Variants in AOPEP observed in about 807,000 individuals in gnomAD.
AOPEP encodes the protein aminopeptidase O (putative).
AOPEP carries 77 observed loss-of-function variants against 98.1 expected under a neutral mutation model. That is an observed-to-expected ratio of 0.78 (90% CI 0.65 to 0.95). The LOEUF (loss-of-function observed/expected upper bound fraction) is 0.95. Ranked by LOEUF, AOPEP falls within the 40% of genes least tolerant of loss-of-function variation. The pLI is 0.00. For synonymous variants in AOPEP, 346 were observed against 365.3 expected (o/e 0.95, Z 0.60); for missense variants, 1,024 against 1,024.7 (o/e 1.00, Z 0.01).
chr9:94,850,894 A>C (rs1190664735), intron 5 of AOPEP, among the ~76,000 whole-genome samples: 1 of 152,190 alleles, frequency 6.6e-6, no homozygotes. Flanking sequence ...GAATATGAGG[A>C]GTAACTCTCT....
chr9:95,050,556 T>A (rs76326161), intron 13 of AOPEP, among the ~76,000 whole-genome samples: 8,068 of 152,284 alleles, frequency 0.053, 282 homozygotes, highest in South Asian at 0.11. Flanking sequence ...TCTCCACACA[T>A]TTTTATTAAA....
chr9:95,090,984 C>T (rs929154560), downstream of AOPEP, among the ~76,000 whole-genome samples: 3 of 152,156 alleles, frequency 2.0e-5, no homozygotes, highest in Non-Finnish European at 4.4e-5. Flanking sequence ...CAAAGGGGTC[C>T]AGGGAGGCTG....
chr9:95,081,654 A>C (rs558802227), intron 15 of AOPEP, among the ~76,000 whole-genome samples: 1 of 152,262 alleles, frequency 6.6e-6, no homozygotes, highest in East Asian at 1.9e-4. Flanking sequence ...CTGGAAAAAC[A>C]TACAGGAGTA....
At chr9:94,920,724 G>A (rs964893315) in intron 5 of AOPEP, among the ~76,000 whole-genome samples, 6 of 152,192 alleles carry the variant, frequency 3.9e-5, no homozygotes, top group African/African-American at 1.2e-4. Flanking sequence ...ATTAACAGAC[G>A]CAGTCTTCTA....
At position 95,060,706 on chromosome 9, in the gene AOPEP, C is replaced by A. The variant is rs1191380627; in HGVS notation, c.2128C>A (p.Gln710Lys). ...EEVFEKLLPD[Q>K]LVLLLEHLLE... ...GTTTTGTCTTTAGCTTCTTCCAGAC[C>A]AGCTGGTCTTGCTTCTGGAGCATCT... is the stretch of plus-strand genomic sequence containing the variant. Residue 710 changes from glutamine to lysine, a missense_variant, in exon 14 of 17, where the codon CAG (glutamine) becomes AAG (lysine). Around this residue, in one of 3 missense-constraint regions of AOPEP, gnomAD observed 566 missense variants for 551.7 expected, o/e 1.03. Coordinates refer to ENST00000375315, the MANE Select transcript of AOPEP (RefSeq NM_001193329.3). 1 of 1,613,080 alleles carries A rather than the reference C, an allele frequency of 6.2e-7. No homozygotes were observed. Among genetic ancestry groups the A allele is most frequent in the East Asian group, 2.2e-5 (1 of 44,876 alleles).
chr9:94,910,187 A>G (rs578156820), intron 5 of AOPEP, among the ~76,000 whole-genome samples: 2 of 152,194 alleles, frequency 1.3e-5, no homozygotes, highest in South Asian at 2.1e-4. Flanking sequence ...CTAGTCCTGC[A>G]TTAGAAGCAG....
Position 94,850,134 on chromosome 9 carries a change from A to C in AOPEP, c.1364+49132A>C, listed in dbSNP as rs374993705. ...CTTGCCTGAGGTTCACCTGCTGTGC[A>C]GCCTGGTTCTTAACAGTCCCCAGCC... On this transcript the variant is annotated intron_variant, in intron 5 of 16. Transcript: ENST00000375315. Among the ~76,000 whole-genome samples the C allele has an allele frequency of 3.3e-4, 50 of 152,180 alleles. 1 individual carries two copies. In the East Asian group the frequency reaches 8.7e-3, roughly 26 times the overall value.
chr9:94,980,053 A>G lies in AOPEP; in HGVS notation c.1977+626A>G, dbSNP rs1422338604. On this transcript the variant is annotated intron_variant, in intron 11 of 16. Transcript: ENST00000375315. The surrounding 1 kb of genome is among the most constrained non-coding windows in gnomAD (Gnocchi z 4.3). ...TTGTTCTCTCCCTCCCTTTCAGTCT[A>G]TGGGCAACTCTAAGGGAGAAACCTT... Among the ~76,000 whole-genome samples, 1 of 152,094 alleles carries G rather than the reference A, an allele frequency of 6.6e-6. No homozygotes were observed. The highest frequency in any genetic ancestry group is 1.5e-5 in the Non-Finnish European group (1 of 68,014).
At chr9:94,848,451 C>CAA (rs35685082) in intron 5 of AOPEP, among the ~76,000 whole-genome samples, 1,053 of 74,048 alleles carry the variant, frequency 0.014, 26 homozygotes, top group African/African-American at 0.013. Context: ...GACTCCGTCT[C>CAA]AAAAAAAAAA....
At chr9:95,054,435 T>G (rs1408071262) in intron 13 of AOPEP, among the ~76,000 whole-genome samples, 1 of 152,214 alleles carries the variant, frequency 6.6e-6, no homozygotes, top group Non-Finnish European at 1.5e-5. Context: ...ACCAGAGGAT[T>G]GCATGTTTCA....
At chr9:94,780,661 A>G (rs1843047938) in intron 3 of AOPEP, among the ~76,000 whole-genome samples, 1 of 152,250 alleles carries the variant, frequency 6.6e-6, no homozygotes, top group South Asian at 2.1e-4. Flanking sequence ...CCTTAGAGAA[A>G]GGGGATGTGG....
chr9:94,832,933 ATTT>A (rs564875203), intron 5 of AOPEP, among the ~76,000 whole-genome samples: 7 of 136,436 alleles, frequency 5.1e-5, no homozygotes, highest in Admixed American at 7.4e-5. Context: ...TGTAAATTTG[ATTT>A]TTTTTTTTTT....
intron 9 of AOPEP, among the ~76,000 whole-genome samples, chr9:94,960,741 G>A (rs923088057): frequency 6.6e-6 from 1 of 152,056 alleles, no homozygotes; most frequent in African/African-American, 2.4e-5. Flanking sequence ...GGCCGGGTGC[G>A]GTGGCTCACG....
At chr9:94,728,593 G>T (rs1008519827) in intron 1 of AOPEP, among the ~76,000 whole-genome samples, 3 of 152,154 alleles carry the variant, frequency 2.0e-5, no homozygotes, top group African/African-American at 7.2e-5. Flanking sequence ...TTGTTCATTT[G>T]TGGGTTTTTC....
At chr9:94,751,442 A>G (rs1835755989) in intron 1 of AOPEP, among the ~76,000 whole-genome samples, 2 of 152,240 alleles carry the variant, frequency 1.3e-5, no homozygotes, top group Non-Finnish European at 2.9e-5. Flanking sequence ...TAAGAAGCAC[A>G]CATCTATGAA....
At chr9:94,875,363 A>AG (rs2046826596) in intron 5 of AOPEP, among the ~76,000 whole-genome samples, 2 of 150,930 alleles carry the variant, frequency 1.3e-5, no homozygotes, top group Admixed American at 1.3e-4. Flanking sequence ...AAAAAAAAAA[A>AG]AAAAAAAAAG....
At chr9:94,849,027 C>T (rs1016746732) in intron 5 of AOPEP, among the ~76,000 whole-genome samples, 1 of 152,204 alleles carries the variant, frequency 6.6e-6, no homozygotes, top group Non-Finnish European at 1.5e-5. Flanking sequence ...GATCCACTCG[C>T]CTCGGCCTCC....
At chr9:94,971,528 C>A (rs898439928) in intron 10 of AOPEP, among the ~76,000 whole-genome samples, 1 of 152,168 alleles carries the variant, frequency 6.6e-6, no homozygotes, top group Non-Finnish European at 1.5e-5. Context: ...ACACCTACCC[C>A]CCGGAGCCTC....
At chr9:94,749,672 T>A (rs1394143781) in intron 1 of AOPEP, among the ~76,000 whole-genome samples, 1 of 152,236 alleles carries the variant, frequency 6.6e-6, no homozygotes, top group Non-Finnish European at 1.5e-5. Flanking sequence ...GTGAAGTTTT[T>A]ATCTCAAATA....
Sources: allele counts gnomAD v4.1 joint callset (sites outside exome capture counted in the v4.1 genomes callset), GRCh38; gene constraint gnomAD v4.1.1; regional missense constraint gnomAD v4.1.1; non-coding constraint Gnocchi (gnomAD v3.1); transcripts MANE v1.5; gene names NCBI Gene and HGNC (gene_info 2026-07-23, HGNC 2026-07-21).